The following ZFHX3 variants were observed in gnomAD, a reference collection of about 807,000 sequenced individuals.
ZFHX3 encodes zinc finger homeobox 3.
In ZFHX3, 42 loss-of-function variants were observed where a neutral mutation model predicts 279.1. The observed-to-expected ratio is 0.15, with a 90% CI of 0.12 to 0.19. The LOEUF is 0.19. Among genes scored for constraint, ZFHX3 ranks in the 10% least tolerant of loss-of-function variants. The probability of loss-of-function intolerance (pLI) is 1.00; values close to 1 mark genes in which losing one functional copy is unlikely to be tolerated. For missense variants in ZFHX3, 4,981 were observed against 4,754.0 expected, an observed-to-expected ratio of 1.05 and a Z score of -1.40; for synonymous variants, 2,293 against 1,957.8, an observed-to-expected ratio of 1.17 and a Z score of -4.52.
At chr16:73,241,811 A>AAAAAG (rs2013132519) in intron 5 of ZFHX3, among the ~76,000 whole-genome samples, 1 of 150,894 alleles carries the variant, frequency 6.6e-6, no homozygotes, top group African/African-American at 2.4e-5. Context: ...AAAAAAAAAA[A>AAAAAG]AAAAGGAGTG....
At chr16:73,740,133 G>C (rs920973982) in intron 1 of ZFHX3, among the ~76,000 whole-genome samples, 3 of 152,078 alleles carry the variant, frequency 2.0e-5, no homozygotes, top group African/African-American at 4.8e-5. Flanking sequence ...TCAACCCCCA[G>C]GTATTATATT....
In ZFHX3 at chr16:72,959,912, C is replaced by T. The variant is rs771934671; in HGVS notation, c.234G>A (p.Glu78=). 6.2e-7 allele frequency: 1 copy of T among 1,603,400 alleles called. No homozygotes were observed. Among genetic ancestry groups the T allele is most frequent in the East Asian group, 2.2e-5 (1 of 44,626 alleles). The change falls in exon 2 of 10, where the codon GAG becomes GAA. Residue 78 remains glutamate (E), a synonymous_variant. Coordinates refer to ENST00000268489, the MANE Select transcript of ZFHX3 (RefSeq NM_006885.4). The part of the protein sequence containing the change: ...AGPPSEPASK[E]VTCNECSASF... The stretch of plus-strand genomic sequence containing the variant: ...AGGCCGAACATTCGTTGCAGGTGAC[C>T]TCCTTGCTGGCGGGCTCGGAGGGGG...
At chr16:73,342,969 C>A (rs2143263086) in intron 3 of ZFHX3, among the ~76,000 whole-genome samples, 1 of 152,226 alleles carries the variant, frequency 6.6e-6, no homozygotes, top group South Asian at 2.1e-4. Flanking sequence ...AAATACTAAA[C>A]AAAATATTGA....
intron 2 of ZFHX3, among the ~76,000 whole-genome samples, chr16:73,534,076 C>T (rs2019852927): frequency 2.0e-5 from 3 of 152,128 alleles, no homozygotes; most frequent in African/African-American, 4.8e-5. Context: ...TCCTTTCATT[C>T]AAGGTAAAAG....
chr16:73,039,702 T>A (rs918199726), intron 1 of ZFHX3, among the ~76,000 whole-genome samples: 1 of 151,858 alleles, frequency 6.6e-6, no homozygotes, highest in Admixed American at 6.5e-5. Context: ...TCTTTTTTTA[T>A]TTTTTTATTT....
upstream of ZFHX3, among the ~76,000 whole-genome samples, chr16:73,062,486 G>A (rs1485841380): frequency 7.9e-5 from 12 of 152,194 alleles, no homozygotes; most frequent in East Asian, 2.3e-3. Context: ...ACATAAAAAG[G>A]TTGATTTAAT....
At chr16:73,040,993 T>C (rs1173808888) in intron 1 of ZFHX3, among the ~76,000 whole-genome samples, 5 of 152,204 alleles carry the variant, frequency 3.3e-5, no homozygotes, top group Non-Finnish European at 7.4e-5. Context: ...GTAAGGCCCA[T>C]AGCAGAGGAA....
intron 5 of ZFHX3, among the ~76,000 whole-genome samples, chr16:73,208,688 A>G (rs1455394169): frequency 2.6e-5 from 4 of 152,356 alleles, no homozygotes; most frequent in African/African-American, 9.6e-5. Context: ...TAAGAATGCT[A>G]CATAGGTAGC....
chr16:73,017,809 C>A (rs1325802396), intron 1 of ZFHX3, among the ~76,000 whole-genome samples: 2 of 152,174 alleles, frequency 1.3e-5, no homozygotes, highest in Admixed American at 1.3e-4. Flanking sequence ...GCAAACCAAA[C>A]AGGCTAAGAC....
intron 4 of ZFHX3, among the ~76,000 whole-genome samples, chr16:73,301,993 A>G (rs570403010): frequency 6.6e-6 from 1 of 152,050 alleles, no homozygotes; most frequent in South Asian, 2.1e-4. Context: ...GTGCGCCCCA[A>G]CCTGTGCACC....
At chr16:73,811,707 A>G (rs1443638880) in intron 1 of ZFHX3, among the ~76,000 whole-genome samples, 1 of 151,916 alleles carries the variant, frequency 6.6e-6, no homozygotes, top group East Asian at 1.9e-4. Flanking sequence ...TGCCTCCCAA[A>G]GTGCTGGGAT....
Position 72,864,314 on chromosome 16 carries a change from T to C in ZFHX3, c.3448+25417A>G, listed in dbSNP as rs118005608. Among the ~76,000 whole-genome samples, 18 of 152,216 alleles carry C rather than the reference T, an allele frequency of 1.2e-4. 1 individual carries two copies. In the East Asian group the frequency reaches 3.5e-3, roughly 29 times the overall value. On this transcript the variant is annotated intron_variant, in intron 4 of 9. Coordinates refer to ENST00000268489, the MANE Select transcript of ZFHX3 (RefSeq NM_006885.4). ...GGCCACCCACATTGACCACCATGTC[T>C]CTAGGGCTTTGAAGATACCTGGCAC...
At chr16:73,149,077 C>T (rs1026778555) in intron 5 of ZFHX3, among the ~76,000 whole-genome samples, 1 of 148,510 alleles carries the variant, frequency 6.7e-6, no homozygotes, top group Non-Finnish European at 1.5e-5. Context: ...GGGCCTGGCT[C>T]ATAGTGCTCA....
chr16:72,864,759 T>C (rs148485796), intron 4 of ZFHX3, among the ~76,000 whole-genome samples: 1 of 152,304 alleles, frequency 6.6e-6, no homozygotes, highest in East Asian at 1.9e-4. Context: ...ATGGCCTATA[T>C]CAGAATCCAA....
chr16:73,042,048 T>C (rs1228547832), intron 1 of ZFHX3, among the ~76,000 whole-genome samples: 1 of 152,218 alleles, frequency 6.6e-6, no homozygotes, highest in Non-Finnish European at 1.5e-5. Flanking sequence ...CTCAGGAGAC[T>C]GGAAGCATGG....
chr16:73,231,805 G>C (rs535741864), intron 5 of ZFHX3, among the ~76,000 whole-genome samples: 2 of 152,046 alleles, frequency 1.3e-5, no homozygotes, highest in Non-Finnish European at 2.9e-5. Flanking sequence ...CCACTTCTTT[G>C]CATATTTCTT....
chr16:73,819,904 C>T (rs978731764), intron 1 of ZFHX3, among the ~76,000 whole-genome samples: 10 of 152,240 alleles, frequency 6.6e-5, no homozygotes, highest in South Asian at 6.2e-4. Context: ...TACTGCATAC[C>T]GGCTGTGGCA....
chr16:73,007,573 A>T (rs374985827), intron 1 of ZFHX3, among the ~76,000 whole-genome samples: 1 of 151,948 alleles, frequency 6.6e-6, no homozygotes, highest in African/African-American at 2.4e-5. Context: ...CAGCTTCCCG[A>T]GTAACTGGGA....
intron 1 of ZFHX3, among the ~76,000 whole-genome samples, chr16:73,768,708 G>C (rs1358254431): frequency 6.6e-6 from 1 of 152,116 alleles, no homozygotes; most frequent in Non-Finnish European, 1.5e-5. Flanking sequence ...AAATAGATTT[G>C]AGATAACAGA....
Sources: gnomAD v4.1 joint callset for allele counts (sites outside exome capture counted in the v4.1 genomes callset) on GRCh38, gnomAD v4.1.1 for gene constraint, MANE v1.5 for transcripts, NCBI Gene and HGNC (gene_info 2026-07-23, HGNC 2026-07-21) for gene names.